The following CLPP variants were observed in gnomAD, a reference collection of about 807,000 sequenced individuals.
CLPP encodes caseinolytic mitochondrial matrix peptidase proteolytic subunit.
CLPP carries 14 observed loss-of-function variants against 27.4 expected under a neutral mutation model. The ratio of observed to expected loss-of-function variants is 0.51; its 90% CI spans 0.34 to 0.80. CLPP has a LOEUF of 0.80. CLPP is among the 30% of genes least tolerant of loss of function. The probability of loss-of-function intolerance (pLI) is 0.02; values close to 1 mark genes in which losing one functional copy is unlikely to be tolerated. For synonymous variants in CLPP, 193 were observed against 166.6 expected (o/e 1.16, Z -1.22); for missense variants, 361 against 403.6 (o/e 0.89, Z 0.90).
Position 6,361,559 on chromosome 19 carries a change from CG to C in CLPP, c.-12del. On this transcript the variant is annotated 5_prime_UTR_variant, in exon 1 of 6. Coordinates refer to ENST00000245816, the MANE Select transcript of CLPP (RefSeq NM_006012.4). ...GTTCCGCCATCGGACGGAAGCCGAC[CG>C]GGGCGTGCGGAGGGATGTGGCCCGG... 1 of 1,391,176 alleles carries C rather than the reference CG, an allele frequency of 7.2e-7. No homozygotes were observed. Among genetic ancestry groups the C allele is most frequent in the Admixed American group, 3.3e-5 (1 of 29,964 alleles). 86.2% of individuals were successfully genotyped at this position (1,391,176 alleles called of 1,614,324 possible).
chr19:6,361,946 C>A lies in CLPP; in HGVS notation c.270+6C>A, dbSNP rs2091836530. The A allele has an allele frequency of 1.9e-6, 3 of 1,595,186 alleles. No homozygotes were observed. In the South Asian group the frequency reaches 3.3e-5, roughly 18 times the overall value. ...TCGTGTGCGTCATGGGCCCGGTGAG[C>A]GCCCCGCGCCGGGACCCTCCCCAGG... On this transcript the variant is annotated splice_donor_region_variant and intron_variant, in intron 2 of 5. Coordinates refer to ENST00000245816, the MANE Select transcript of CLPP (RefSeq NM_006012.4).
In CLPP at chr19:6,361,863, C is replaced by T. The variant is rs1262717420; in HGVS notation, c.199-6C>T. ...CGGCCCCTCACCTCCATCTTTCTAC[C>T]CCCAGGGTCGCGGCGAGCGCGCCTA... On this transcript the variant is annotated splice_polypyrimidine_tract_variant and splice_region_variant and intron_variant, in intron 1 of 5. Coordinates refer to ENST00000245816, the MANE Select transcript of CLPP (RefSeq NM_006012.4). 1.3e-6 allele frequency: 2 copies of T among 1,597,596 alleles called. No individual in the cohort carries two copies. Among genetic ancestry groups the T allele is most frequent in the African/African-American group, 1.3e-5 (1 of 74,818 alleles).
At position 6,369,428 on chromosome 19, in the gene CLPP, AAC is replaced by A; in HGVS notation, c.*720_*721del. On this transcript the variant is annotated 3_prime_UTR_variant, in exon 6 of 6. Transcript: ENST00000245816. Reference sequence around the variant, plus strand: ...AGGCTCTGTCTCAAAAAAAAAAAAAAACAAAAACAGGAAAGGTGGCATGCAAG... The same window carrying A: ...AGGCTCTGTCTCAAAAAAAAAAAAAAAAAAACAGGAAAGGTGGCATGCAAG... 6.6e-6 allele frequency among the ~76,000 whole-genome samples: 1 copy of A among 150,470 alleles called. No homozygotes were observed. The highest frequency in any genetic ancestry group is 2.0e-4 in the East Asian group (1 of 5,080).
At chr19:6,362,862 C>T (rs1599193884) in intron 3 of CLPP, among the ~76,000 whole-genome samples, 1 of 151,818 alleles carries the variant, frequency 6.6e-6, no homozygotes, top group Non-Finnish European at 1.5e-5. Flanking sequence ...CTGAGGCGGG[C>T]GGATTGCTCG....
intron 3 of CLPP, among the ~76,000 whole-genome samples, chr19:6,363,040 A>C (rs1296232386): frequency 6.6e-6 from 1 of 152,136 alleles, no homozygotes; most frequent in Admixed American, 6.6e-5. Context: ...TAGTGAGCCC[A>C]TCTCAAAAAT....
Position 6,369,344 on chromosome 19 carries a change from AG to A in CLPP, c.*636del, listed in dbSNP as rs1231032466. On this transcript the variant is annotated 3_prime_UTR_variant, in exon 6 of 6. Transcript: ENST00000245816. ...GGCAGAAGAATTGCTTGAACTTAGG[AG>A]GTGGAGGTTGCAGTGAGCAGGATCA... Among the ~76,000 whole-genome samples, 1 of 150,534 alleles carries A rather than the reference AG, an allele frequency of 6.6e-6. No individual in the cohort carries two copies. Among genetic ancestry groups the A allele is most frequent in the Non-Finnish European group, 1.5e-5 (1 of 67,784 alleles).
At chr19:6,363,511 C>T (rs1030665474) in intron 3 of CLPP, among the ~76,000 whole-genome samples, 3 of 152,138 alleles carry the variant, frequency 2.0e-5, no homozygotes, top group East Asian at 1.9e-4. Flanking sequence ...GTAAAGCAAG[C>T]GCTCTGCCTT....
At chr19:6,365,998 T>C (rs924820711) in intron 4 of CLPP, among the ~76,000 whole-genome samples, 13 of 151,372 alleles carry the variant, frequency 8.6e-5, no homozygotes, top group African/African-American at 3.1e-4. Flanking sequence ...TAGCTAATGC[T>C]GAGACAGAGA....
rs1480291368 is a variant in CLPP at position 6,369,250 on chromosome 19, A to C, written c.*540A>C. ...ATCCTGGCTAACATGGTGAAACCCC[A>C]TTTCTACTAAAAATACAAAAATTAG... On this transcript the variant is annotated 3_prime_UTR_variant, in exon 6 of 6. Coordinates refer to ENST00000245816, the MANE Select transcript of CLPP (RefSeq NM_006012.4). Among the ~76,000 whole-genome samples, 1 of 152,044 alleles carries C rather than the reference A, an allele frequency of 6.6e-6. No homozygotes were observed. The highest frequency in any genetic ancestry group is 1.9e-4 in the East Asian group (1 of 5,192).
rs1372464104 is a variant in CLPP at position 6,364,561 on chromosome 19, C to T, written c.477C>T (p.Leu159=). Residue 159 remains leucine (L), a synonymous_variant, in exon 4 of 6, where the codon CTC becomes CTT. Coordinates refer to ENST00000245816, the MANE Select transcript of CLPP (RefSeq NM_006012.4). The part of the protein sequence containing the change: ...GQAASMGSLL[L]AAGTPGMRHS... The stretch of plus-strand genomic sequence containing the variant: ...CCGCCAGCATGGGCTCCCTGCTTCT[C>T]GCCGCCGGCACCCCAGGCATGCGCC... 21 of 1,612,878 alleles carry T rather than the reference C, an allele frequency of 1.3e-5. No homozygotes were observed. The highest frequency in any genetic ancestry group is 1.7e-5 in the Admixed American group (1 of 59,886).
At position 6,362,267 on chromosome 19, in the gene CLPP, A is replaced by G. The variant is rs566205828; in HGVS notation, c.271-179A>G. 116 of 568,778 alleles carry G rather than the reference A, an allele frequency of 2.0e-4. No individual in the cohort carries two copies. The East Asian group carries it at 3.3e-3, about 16-fold the overall frequency. 35.2% of individuals were successfully genotyped at this position (568,778 alleles called of 1,614,324 possible). A position where few individuals can be genotyped will look rare whatever the true frequency, so the allele number is the denominator to read the frequency against. ...CTGACTCCCCCCTTCCTGTGCTCCA[A>G]ACCCCCTGGGTCCTCTCCACTACTC... is the stretch of plus-strand genomic sequence containing the variant. On this transcript the variant is annotated intron_variant, in intron 2 of 5. Coordinates refer to ENST00000245816, the MANE Select transcript of CLPP (RefSeq NM_006012.4).
intron 3 of CLPP, 34 bp downstream of exon 3, chr19:6,362,576 T>C: frequency 7.0e-7 from 1 of 1,425,526 alleles, no homozygotes; most frequent in Non-Finnish European, 9.9e-7. Flanking sequence ...CCAGGGGCAC[T>C]CGTCAGGGCA....
At position 6,361,726 on chromosome 19, in the gene CLPP, C is replaced by T; in HGVS notation, c.152C>T (p.Thr51Met). The change falls in exon 1 of 6, where the codon ACG (threonine) becomes ATG (methionine). Residue 51 changes from threonine (T) to methionine (M), a missense_variant. Thr to Met is a moderately conservative substitution (Grantham distance 81). Coordinates refer to ENST00000245816, the MANE Select transcript of CLPP (RefSeq NM_006012.4). ...GCCCTGCAGCGGTGCCTGCACGCGA[C>T]GGCGACCCGGGCTCTCCCGCTCATT... ...GLALQRCLHA[T>M]ATRALPLIPI... The T allele has an allele frequency of 6.6e-7, 1 of 1,506,368 alleles. No individual in the cohort carries two copies. The highest frequency in any genetic ancestry group is 8.8e-7 in the Non-Finnish European group (1 of 1,131,260). 93.3% of individuals were successfully genotyped at this position (1,506,368 alleles called of 1,614,324 possible).
chr19:6,366,197 C>T (rs762345550), intron 4 of CLPP, 61 bp from the exon 5 acceptor site: 3 of 1,188,652 alleles, frequency 2.5e-6, no homozygotes, highest in Middle Eastern at 1.9e-4. Context: ...CTCCAGCCTC[C>T]CTGTGAGGGG....
At position 6,369,776 on chromosome 19, in the gene CLPP, C is replaced by G. The variant is rs2091879467; in HGVS notation, c.*1066C>G. 6.7e-6 allele frequency among the ~76,000 whole-genome samples: 1 copy of G among 149,190 alleles called. No individual in the cohort carries two copies. The highest frequency in any genetic ancestry group is 2.1e-4 in the South Asian group (1 of 4,738). Reference sequence around the variant, plus strand: ...CGCCACTGCACTCCAGCCTGGGCAACAAAGCGAGATTCTGTCTCCAAAAAA... The same window carrying G: ...CGCCACTGCACTCCAGCCTGGGCAAGAAAGCGAGATTCTGTCTCCAAAAAA... On this transcript the variant is annotated 3_prime_UTR_variant, in exon 6 of 6. Transcript: ENST00000245816.
At chr19:6,366,678 G>T (rs1240906886) in intron 5 of CLPP, among the ~76,000 whole-genome samples, 1 of 152,016 alleles carries the variant, frequency 6.6e-6, no homozygotes, top group Non-Finnish European at 1.5e-5. Flanking sequence ...TGGCTCTGTC[G>T]CTCAGGCTGG....
At position 6,369,161 on chromosome 19, in the gene CLPP, G is replaced by A. The variant is rs1312448821; in HGVS notation, c.*451G>A. On this transcript the variant is annotated 3_prime_UTR_variant, in exon 6 of 6. Transcript: ENST00000245816. ...AAACAGGCCAGGCGCGCTGGCTCACGCCTGTAATCCCAGCACTTTGGGAGC... is the reference window on the plus strand; with the variant it reads ...AAACAGGCCAGGCGCGCTGGCTCACACCTGTAATCCCAGCACTTTGGGAGC... 5.9e-5 allele frequency among the ~76,000 whole-genome samples: 9 copies of A among 152,252 alleles called. No homozygotes were observed. The highest frequency in any genetic ancestry group is 2.0e-4 in the Admixed American group (3 of 15,294).
chr19:6,366,317 C>G lies in CLPP; in HGVS notation c.615C>G (p.Leu205=). The G allele has an allele frequency of 2.5e-6, 4 of 1,612,782 alleles. No homozygotes were observed. The highest frequency in any genetic ancestry group is 3.4e-6 in the Non-Finnish European group (4 of 1,179,390). Residue 205 remains leucine (L), a synonymous_variant, in exon 5 of 6, where the codon CTC becomes CTG. Transcript: ENST00000245816. ...AEEIMKLKKQ[L]YNIYAKHTKQ... The stretch of plus-strand genomic sequence containing the variant: ...AGATCATGAAGCTCAAGAAGCAGCT[C>G]TATAACATCTACGCCAAGCACACCA...
intron 5 of CLPP, among the ~76,000 whole-genome samples, chr19:6,366,981 G>A (rs1321045299): frequency 6.6e-6 from 1 of 151,884 alleles, no homozygotes; most frequent in Non-Finnish European, 1.5e-5. Context: ...GCTCACACCT[G>A]TAATCCCAGC....
Sources: allele counts gnomAD v4.1 joint callset (sites outside exome capture counted in the v4.1 genomes callset), GRCh38; gene constraint gnomAD v4.1.1; transcripts MANE v1.5; gene names NCBI Gene and HGNC (gene_info 2026-07-23, HGNC 2026-07-21).